MAN1C1: variants seen among roughly 807,000 people sequenced by gnomAD.
The protein encoded by MAN1C1 is mannosyl-oligosaccharide 1,2-alpha-mannosidase IC.
A neutral mutation model predicts 71.5 loss-of-function variants in MAN1C1; 49 were observed. The ratio of observed to expected loss-of-function variants is 0.69; its 90% CI spans 0.54 to 0.87. The LOEUF (loss-of-function observed/expected upper bound fraction) is 0.87, where lower values mean the gene tolerates loss of function less well. Among genes scored for constraint, MAN1C1 ranks in the 40% least tolerant of loss-of-function variants. The pLI is 0.00. For synonymous variants in MAN1C1, 352 were observed against 343.7 expected (o/e 1.02, Z -0.27); for missense variants, 743 against 835.0 (o/e 0.89, Z 1.36).
At chr1:25,774,823 TAA>T (rs5773133) in intron 8 of MAN1C1, among the ~76,000 whole-genome samples, 32 of 148,332 alleles carry the variant, frequency 2.2e-4, no homozygotes, top group Admixed American at 6.7e-4. Flanking sequence ...GTTAATACAT[TAA>T]AAAAAAAAAA....
intron 1 of MAN1C1, among the ~76,000 whole-genome samples, chr1:25,665,683 A>T (rs1285760976): frequency 6.6e-6 from 1 of 152,092 alleles, no homozygotes; most frequent in South Asian, 2.1e-4. Flanking sequence ...TAGATATTGC[A>T]GGTGGAGTCT....
chr1:25,749,127 T>C, intron 3 of MAN1C1, 128 bp from the exon 4 acceptor site: 1 of 641,274 alleles, frequency 1.6e-6, no homozygotes, highest in Non-Finnish European at 2.6e-6. Context: ...AAAACCATCG[T>C]CACCTTGCCT....
rs1437239787 is a variant in MAN1C1 at position 25,717,399 on chromosome 1, G to A, written c.638-29269G>A. Among the ~76,000 whole-genome samples, 6 of 152,008 alleles carry A rather than the reference G, an allele frequency of 3.9e-5. No homozygotes were observed. In the East Asian group the frequency reaches 1.2e-3, roughly 29 times the overall value. ...TAGCTGGGCATGGTGGTGCATGCCT[G>A]TAGCCCCAGCTACTCAGTAAGCTGA... On this transcript the variant is annotated intron_variant, in intron 2 of 11. Coordinates refer to ENST00000374332, the MANE Select transcript of MAN1C1 (RefSeq NM_020379.4).
At chr1:25,675,554 A>T (rs11801572) in intron 1 of MAN1C1, among the ~76,000 whole-genome samples, 12,620 of 128,858 alleles carry the variant, frequency 0.098, 1,267 homozygotes, top group East Asian at 0.26. Flanking sequence ...TGTGTATGCA[A>T]GTGTCTTTTT....
intron 1 of MAN1C1, among the ~76,000 whole-genome samples, chr1:25,682,225 A>G (rs1187401493): frequency 6.6e-6 from 1 of 152,234 alleles, no homozygotes; most frequent in African/African-American, 2.4e-5. Context: ...CTGAGGGTAG[A>G]TGCAGATAGC....
At chr1:25,709,339 T>G (rs573589672) in intron 2 of MAN1C1, among the ~76,000 whole-genome samples, 5 of 152,166 alleles carry the variant, frequency 3.3e-5, no homozygotes, top group Non-Finnish European at 7.4e-5. Flanking sequence ...TTTGCAGTCA[T>G]AAAAACAGCA....
chr1:25,629,929 C>A (rs2124752651), intron 1 of MAN1C1, among the ~76,000 whole-genome samples: 1 of 152,136 alleles, frequency 6.6e-6, no homozygotes, highest in Admixed American at 6.5e-5. Flanking sequence ...GTTTTTATTG[C>A]ATTCGCTTTT....
In MAN1C1 at chr1:25,677,536, T is replaced by C. The variant is rs117761069; in HGVS notation, c.541-8904T>C. ...TTCTCATGTTGATTGGTTCCGACTG[T>C]CATGTTCTTGCACCTGTCCTGAGTA... On this transcript the variant is annotated intron_variant, in intron 1 of 11. Transcript: ENST00000374332. Among the ~76,000 whole-genome samples, 25 of 152,276 alleles carry C rather than the reference T, an allele frequency of 1.6e-4. 1 individual carries two copies. In the East Asian group the frequency reaches 4.6e-3, roughly 28 times the overall value.
intron 1 of MAN1C1, among the ~76,000 whole-genome samples, chr1:25,660,560 T>C (rs894860066): frequency 2.0e-5 from 3 of 147,620 alleles, no homozygotes; most frequent in African/African-American, 7.5e-5. Context: ...GCCTGGCTAA[T>C]TTTTTGTATT....
intron 7 of MAN1C1, among the ~76,000 whole-genome samples, chr1:25,768,648 C>A (rs1557800918): frequency 1.9e-5 from 2 of 106,072 alleles, no homozygotes; most frequent in Non-Finnish European, 4.0e-5. Context: ...ACACACTCCC[C>A]CACACACACA....
chr1:25,748,455 G>T (rs1052527343), intron 3 of MAN1C1, among the ~76,000 whole-genome samples: 1 of 152,220 alleles, frequency 6.6e-6, no homozygotes, highest in East Asian at 1.9e-4. Context: ...GGCATGTCTG[G>T]CTGTGGGCAG....
chr1:25,676,251 T>C (rs180799306), intron 1 of MAN1C1, among the ~76,000 whole-genome samples: 20 of 152,272 alleles, frequency 1.3e-4, no homozygotes, highest in Non-Finnish European at 2.5e-4. Context: ...TTGTATCATA[T>C]GCTCATTTCC....
intron 4 of MAN1C1, among the ~76,000 whole-genome samples, chr1:25,750,388 CAGAG>C (rs1426208352): frequency 1.3e-5 from 2 of 152,106 alleles, no homozygotes; most frequent in Non-Finnish European, 2.9e-5. Flanking sequence ...CCCCATTACT[CAGAG>C]AGGCTGCTGT....
intron 1 of MAN1C1, chr1:25,654,395 T>C (rs1262061564): frequency 6.6e-6 from 1 of 152,250 alleles, no homozygotes; most frequent in African/African-American, 2.4e-5. Context: ...AAAGCAGTTT[T>C]GACTTTGAGC....
intron 2 of MAN1C1, among the ~76,000 whole-genome samples, chr1:25,699,892 G>A (rs1444210106): frequency 1.3e-5 from 2 of 152,176 alleles, no homozygotes; most frequent in Non-Finnish European, 2.9e-5. Context: ...CGGGGCCTCT[G>A]AGGCAGGCAG....
chr1:25,655,850 G>C (rs1004276378), intron 1 of MAN1C1, among the ~76,000 whole-genome samples: 1 of 152,106 alleles, frequency 6.6e-6, no homozygotes, highest in Non-Finnish European at 1.5e-5. Context: ...CATTTCTCTT[G>C]TTGCAGTTTG....
Position 25,737,546 on chromosome 1 carries a change from A to G in MAN1C1, c.638-9122A>G, listed in dbSNP as rs116496487. 2.0e-3 allele frequency among the ~76,000 whole-genome samples: 301 copies of G among 152,126 alleles called. 2 individuals carry two copies. Among genetic ancestry groups the G allele is most frequent in the African/African-American group, 6.3e-3 (261 of 41,492 alleles). ...TCGCCATTCATTCATTCATTCAACA[A>G]CCACTCGTTTCTGCCTTCTCTGTGC... On this transcript the variant is annotated intron_variant, in intron 2 of 11. Coordinates refer to ENST00000374332, the MANE Select transcript of MAN1C1 (RefSeq NM_020379.4).
At chr1:25,739,695 C>T (rs1050109227) in intron 2 of MAN1C1, among the ~76,000 whole-genome samples, 1 of 152,134 alleles carries the variant, frequency 6.6e-6, no homozygotes, top group South Asian at 2.1e-4. Context: ...GAGATTGACA[C>T]GCTCTTCACA....
intron 1 of MAN1C1, among the ~76,000 whole-genome samples, chr1:25,676,018 G>A (rs989083271): frequency 2.0e-5 from 3 of 152,196 alleles, no homozygotes; most frequent in African/African-American, 4.8e-5. Flanking sequence ...AGGTGGGAGA[G>A]TGGAACTGAG....
Sources: gnomAD v4.1 joint callset for allele counts (sites outside exome capture counted in the v4.1 genomes callset) on GRCh38, gnomAD v4.1.1 for gene constraint, MANE v1.5 for transcripts, NCBI Gene and HGNC (gene_info 2026-07-23, HGNC 2026-07-21) for gene names.